The following PCDHA2 variants were observed in gnomAD, a reference collection of about 807,000 sequenced individuals.
The protein encoded by PCDHA2 is protocadherin alpha-2.
In PCDHA2, 58 loss-of-function variants were observed where a neutral mutation model predicts 66.0. The ratio of observed to expected loss-of-function variants is 0.88; its 90% CI spans 0.71 to 1.09. PCDHA2 has a LOEUF of 1.09. Ranked by LOEUF, PCDHA2 falls within the 50% of genes least tolerant of loss-of-function variation. The pLI is 0.00. For synonymous variants in PCDHA2, 634 were observed against 554.0 expected (o/e 1.14, Z -2.03); for missense variants, 1,267 against 1,242.3 (o/e 1.02, Z -0.30).
At chr5:140,871,466 A>T in intron 1 of PCDHA2, 1 of 1,603,050 alleles carries the variant, frequency 6.2e-7, no homozygotes. Flanking sequence ...GGGGAAAGAC[A>T]GGAGCCAGGG....
chr5:140,883,850 C>G (rs369951260), intron 1 of PCDHA2: 31 of 1,612,792 alleles, frequency 1.9e-5, no homozygotes, highest in African/African-American at 4.0e-5. Flanking sequence ...CCACGAGGAG[C>G]TGGAGCTGTT....
chr5:140,880,419 G>A (rs1554171271), intron 1 of PCDHA2, among the ~76,000 whole-genome samples: 2 of 152,106 alleles, frequency 1.3e-5, no homozygotes, highest in Non-Finnish European at 2.9e-5. Context: ...TTAAAAGCGG[G>A]AACAGTTTTT....
intron 1 of PCDHA2, chr5:140,830,157 CA>C (rs2150182159): frequency 1.2e-6 from 2 of 1,613,406 alleles, no homozygotes; most frequent in South Asian, 2.2e-5. Context: ...GCCGCGGGCC[CA>C]GAGGCGGCGC....
At chr5:140,798,213 C>A (rs375468606) in intron 1 of PCDHA2, among the ~76,000 whole-genome samples, 1 of 152,118 alleles carries the variant, frequency 6.6e-6, no homozygotes, top group Non-Finnish European at 1.5e-5. Flanking sequence ...GATATTTTAA[C>A]ACCAGAATTT....
At chr5:140,940,497 C>T (rs1314378548) in intron 1 of PCDHA2, among the ~76,000 whole-genome samples, 1 of 151,818 alleles carries the variant, frequency 6.6e-6, no homozygotes, top group Non-Finnish European at 1.5e-5. Context: ...AAGTCTTGCT[C>T]CGTCGCTCAG....
chr5:140,893,693 T>G (rs868968555), intron 1 of PCDHA2, among the ~76,000 whole-genome samples: 43 of 152,366 alleles, frequency 2.8e-4, no homozygotes, highest in Middle Eastern at 3.4e-3. Context: ...CATCTCATTC[T>G]ATCCTAGCCT....
Position 140,863,052 on chromosome 5 carries a change from C to A in PCDHA2, c.2388+65700C>A, listed in dbSNP as rs782611491. On this transcript the variant is annotated intron_variant, in intron 1 of 3. Transcript: ENST00000526136. ...CAGCTGCATCTGTCAGCTGGCAGCA[C>A]CCGTTCCACGTGGGGCTCTGCACGG... The A allele has an allele frequency of 3.2e-5, 18 of 562,664 alleles. No individual in the cohort carries two copies. The East Asian group carries it at 8.4e-4, about 26-fold the overall frequency. 34.9% of individuals were successfully genotyped at this position (562,664 alleles called of 1,614,324 possible).
chr5:140,848,750 T>C, intron 1 of PCDHA2: 1 of 1,593,288 alleles, frequency 6.3e-7, no homozygotes. Context: ...GCATTTTGTT[T>C]GTGAATTCTC....
intron 1 of PCDHA2, chr5:140,822,858 C>A: frequency 6.2e-7 from 1 of 1,614,208 alleles, no homozygotes; most frequent in Non-Finnish European, 8.5e-7. Flanking sequence ...TCAAAGAGGA[C>A]GCTCCACTCA....
rs565441433 is a variant in PCDHA2, at chr5:141,011,340, A to G, written c.*1403A>G. 6.5e-6 allele frequency: 1 copy of G among 153,828 alleles called. No homozygotes were observed. Among genetic ancestry groups the G allele is most frequent in the African/African-American group, 2.4e-5 (1 of 41,570 alleles). 9.5% of individuals were successfully genotyped at this position (153,828 alleles called of 1,614,324 possible). On this transcript the variant is annotated 3_prime_UTR_variant, in exon 4 of 4. Transcript: ENST00000526136. Reference sequence around the variant, plus strand: ...ACTAACACCTATGATGTTACCTGAAATCAATCTCCCATATGTATGCTGTAT... The same window carrying G: ...ACTAACACCTATGATGTTACCTGAAGTCAATCTCCCATATGTATGCTGTAT...
chr5:140,869,586 CAT>C, intron 1 of PCDHA2: 6 of 1,614,150 alleles, frequency 3.7e-6, no homozygotes, highest in Non-Finnish European at 5.1e-6. Flanking sequence ...CTGATGCTGA[CAT>C]TGAAGAGAAT....
chr5:140,989,788 G>A (rs2097360346), intron 3 of PCDHA2, among the ~76,000 whole-genome samples: 2 of 152,158 alleles, frequency 1.3e-5, no homozygotes, highest in Admixed American at 1.3e-4. Context: ...GAGACTAGAG[G>A]CCCCCAGGAA....
Position 141,011,828 on chromosome 5 carries a change from T to C in PCDHA2, c.*1891T>C, listed in dbSNP as rs76856184. The C allele has an allele frequency of 2.5e-3, 389 of 153,920 alleles. 1 individual carries two copies. Among genetic ancestry groups the C allele is most frequent in the African/African-American group, 9.1e-3 (378 of 41,598 alleles). The allele number at this position is 153,920 out of a possible 1,614,324, so 9.5% of individuals were successfully genotyped here. ...GCTCATAGAAAGTAACAAAATTTGC[T>C]GTCACCTTAAATAAGACATTTTAAT... On this transcript the variant is annotated 3_prime_UTR_variant, in exon 4 of 4. Transcript: ENST00000526136.
chr5:140,942,906 G>A (rs1454697434), intron 1 of PCDHA2, among the ~76,000 whole-genome samples: 1 of 151,800 alleles, frequency 6.6e-6, no homozygotes, highest in South Asian at 2.1e-4. Flanking sequence ...CTAAGAATAA[G>A]CGTGAAGAAA....
chr5:140,828,570 C>T, intron 1 of PCDHA2: 2 of 1,614,214 alleles, frequency 1.2e-6, no homozygotes, highest in Non-Finnish European at 1.7e-6. Flanking sequence ...GCGTCCGATG[C>T]AGATGTTGGC....
In PCDHA2 at chr5:140,848,468, C is replaced by G. The variant is rs983897735; in HGVS notation, c.2388+51116C>G. 7.1e-6 allele frequency: 11 copies of G among 1,547,824 alleles called. 2 individuals are homozygous for G. Among genetic ancestry groups the G allele is most frequent in the Non-Finnish European group, 9.6e-6 (11 of 1,140,172 alleles). On this transcript the variant is annotated intron_variant, in intron 1 of 3. Transcript: ENST00000526136. The stretch of plus-strand genomic sequence containing the variant: ...TCTTCTAATTTGGAGGCAATTTTCA[C>G]TAATTAGAAGAAGACTGAGTATTTG...
chr5:140,881,724 A>C (rs1165848100), intron 1 of PCDHA2, among the ~76,000 whole-genome samples: 1 of 152,194 alleles, frequency 6.6e-6, no homozygotes, highest in Admixed American at 6.5e-5. Flanking sequence ...GAGGTCTTGA[A>C]AAATATTACA....
At chr5:140,914,033 G>A (rs1192515722) in intron 1 of PCDHA2, among the ~76,000 whole-genome samples, 1 of 152,138 alleles carries the variant, frequency 6.6e-6, no homozygotes, top group Non-Finnish European at 1.5e-5. Context: ...GTGCTGAGAA[G>A]AATGTGTATT....
intron 1 of PCDHA2, chr5:140,875,435 A>G (rs1562696598): frequency 6.4e-7 from 1 of 1,563,788 alleles, no homozygotes; most frequent in East Asian, 2.3e-5. Context: ...GATCCCTTAA[A>G]ACTGATTGTC....
Sources: gnomAD v4.1 joint callset for allele counts (sites outside exome capture counted in the v4.1 genomes callset) on GRCh38, gnomAD v4.1.1 for gene constraint, MANE v1.5 for transcripts, NCBI Gene and HGNC (gene_info 2026-07-23, HGNC 2026-07-21) for gene names.